NCOR1: variants seen among roughly 807,000 people sequenced by gnomAD.
NCOR1 encodes the protein protein phosphatase 1, regulatory subunit 109.
NCOR1 carries 63 observed loss-of-function variants against 288.1 expected under a neutral mutation model. The ratio of observed to expected loss-of-function variants is 0.22; its 90% CI spans 0.18 to 0.27. NCOR1 has a LOEUF of 0.27. Ranked by LOEUF, NCOR1 falls within the 10% of genes least tolerant of loss-of-function variation. The probability of loss-of-function intolerance (pLI) is 1.00; values close to 1 mark genes in which losing one functional copy is unlikely to be tolerated. For missense variants in NCOR1, 2,397 were observed against 3,019.2 expected, an observed-to-expected ratio of 0.79 and a Z score of 4.83; for synonymous variants, 1,007 against 1,065.9, an observed-to-expected ratio of 0.94 and a Z score of 1.08.
intron 1 of NCOR1, among the ~76,000 whole-genome samples, chr17:16,201,244 T>C (rs1007863267): frequency 1.8e-4 from 28 of 152,174 alleles, no homozygotes; most frequent in Non-Finnish European, 1.3e-4. Context: ...AAGTATGATA[T>C]TGAAAGAAAA....
In NCOR1 at chr17:16,127,259, G is replaced by A. The variant is rs55802498; in HGVS notation, c.1510-1053C>T. 1.9e-3 allele frequency among the ~76,000 whole-genome samples: 188 copies of A among 99,662 alleles called. 40 individuals are homozygous for A. Among genetic ancestry groups the A allele is most frequent in the Middle Eastern group, 6.7e-3 (1 of 150 alleles). 65.4% of individuals were successfully genotyped at this position (99,662 alleles called of 152,430 possible). A position where few individuals can be genotyped will look rare whatever the true frequency, so the allele number is the denominator to read the frequency against. On this transcript the variant is annotated intron_variant, in intron 14 of 45. Coordinates refer to ENST00000268712, the MANE Select transcript of NCOR1 (RefSeq NM_006311.4). ...TGCATATATGTATGTATATATGTGT[G>A]TGTATATATGTATGTATATATACGT...
At chr17:16,142,401 A>AT (rs1479444077) in intron 11 of NCOR1, among the ~76,000 whole-genome samples, 4 of 152,178 alleles carry the variant, frequency 2.6e-5, no homozygotes, top group African/African-American at 9.6e-5. Context: ...ACTATTTCAA[A>AT]TAAACAAGAC....
At chr17:16,096,314 A>T (rs2066609641) in intron 21 of NCOR1, among the ~76,000 whole-genome samples, 1 of 152,210 alleles carries the variant, frequency 6.6e-6, no homozygotes, top group Admixed American at 6.5e-5. Context: ...AAAAAAAAAT[A>T]AAATAAAGAA....
chr17:16,093,873 G>A (rs1039688695), intron 21 of NCOR1, among the ~76,000 whole-genome samples: 2 of 151,882 alleles, frequency 1.3e-5, no homozygotes, highest in Admixed American at 1.3e-4. Context: ...ATAGAGCATC[G>A]CATTTTAATT....
intron 45 of NCOR1, among the ~76,000 whole-genome samples, chr17:16,034,541 G>A (rs1052904380): frequency 2.0e-5 from 3 of 152,110 alleles, no homozygotes; most frequent in South Asian, 2.1e-4. Context: ...CTCAGAGGTC[G>A]AGGCTGCAGT....
At chr17:16,095,437 A>G (rs1598518373) in intron 21 of NCOR1, among the ~76,000 whole-genome samples, 1 of 130,014 alleles carries the variant, frequency 7.7e-6, no homozygotes, top group African/African-American at 3.0e-5. Context: ...TCCGGGAGGG[A>G]GGTGGGGGGT....
chr17:16,094,500 G>A (rs1208302397), intron 21 of NCOR1, among the ~76,000 whole-genome samples: 1 of 152,182 alleles, frequency 6.6e-6, no homozygotes, highest in Non-Finnish European at 1.5e-5. Flanking sequence ...ATTTTCTGGT[G>A]CCTAAAGAAA....
Position 16,102,159 on chromosome 17 carries a change from C to A in NCOR1, c.2183-402G>T, listed in dbSNP as rs147928817. Among the ~76,000 whole-genome samples, 11 of 152,298 alleles carry A rather than the reference C, an allele frequency of 7.2e-5. 1 individual carries two copies. In the East Asian group the frequency reaches 2.1e-3, roughly 29 times the overall value. ...GTGAATTTCCTTTTACCCAGCTGAA[C>A]TGACACTCTAGAACGGCTCCATCCA... On this transcript the variant is annotated intron_variant, in intron 19 of 45. Transcript: ENST00000268712.
At chr17:16,040,610 T>A in intron 42 of NCOR1, 116 bp from the exon 43 acceptor site, 2 of 905,890 alleles carry the variant, frequency 2.2e-6, no homozygotes, top group Non-Finnish European at 3.4e-6. Flanking sequence ...GATCTCAACC[T>A]TTATTTCTCA....
intron 3 of NCOR1, among the ~76,000 whole-genome samples, chr17:16,175,810 G>A (rs2153479200): frequency 6.7e-6 from 1 of 149,268 alleles, no homozygotes; most frequent in African/African-American, 2.5e-5. Context: ...CTTGAACCCA[G>A]GAGTTTAGAG....
chr17:16,187,876 G>A lies in NCOR1; in HGVS notation c.109-1189C>T, dbSNP rs187098899. On this transcript the variant is annotated intron_variant, in intron 2 of 45. Transcript: ENST00000268712. The stretch of plus-strand genomic sequence containing the variant: ...GATTGTGCCACTGCACTCCAGCCTG[G>A]GTGACAGAGCAAGACACCATCTTTA... Among the ~76,000 whole-genome samples, 42 of 151,060 alleles carry A rather than the reference G, an allele frequency of 2.8e-4. No homozygotes were observed. The East Asian group carries it at 7.6e-3, about 27-fold the overall frequency.
intron 27 of NCOR1, among the ~76,000 whole-genome samples, chr17:16,075,239 A>G (rs992727060): frequency 6.6e-6 from 1 of 152,244 alleles, no homozygotes; most frequent in Non-Finnish European, 1.5e-5. Flanking sequence ...GTATTCCATT[A>G]AAGTTCAACA....
chr17:16,168,005 A>C (rs2082355809), intron 4 of NCOR1, among the ~76,000 whole-genome samples: 1 of 152,148 alleles, frequency 6.6e-6, no homozygotes. Context: ...AAATAAACCA[A>C]CAGAAAAATG....
intron 7 of NCOR1, 54 bp downstream of exon 7, chr17:16,153,285 A>G (rs1334293845): frequency 1.5e-6 from 2 of 1,298,142 alleles, no homozygotes; most frequent in Non-Finnish European, 2.2e-6. Flanking sequence ...CCCAAGAAAA[A>G]CTACCACCAA....
chr17:16,039,027 C>T (rs373688637), intron 44 of NCOR1, among the ~76,000 whole-genome samples: 1 of 152,220 alleles, frequency 6.6e-6, no homozygotes, highest in Admixed American at 6.5e-5. Flanking sequence ...CCTCCGCCCC[C>T]CAAAGTGCTG....
intron 44 of NCOR1, among the ~76,000 whole-genome samples, chr17:16,035,295 A>C (rs933246458): frequency 4.6e-5 from 7 of 152,310 alleles, no homozygotes; most frequent in Admixed American, 2.6e-4. Context: ...GAACTTTCAA[A>C]ATTGGAGTTG....
chr17:16,196,301 A>C (rs1600380378), intron 1 of NCOR1, among the ~76,000 whole-genome samples: 1 of 151,456 alleles, frequency 6.6e-6, no homozygotes, highest in East Asian at 1.9e-4. Flanking sequence ...CCCAGTTTTT[A>C]TCAATATATT....
chr17:16,133,223 A>G (rs1340838792), intron 14 of NCOR1, among the ~76,000 whole-genome samples: 1 of 151,886 alleles, frequency 6.6e-6, no homozygotes, highest in Non-Finnish European at 1.5e-5. Context: ...CCCGCCCTGG[A>G]CTCCCAAAGT....
intron 18 of NCOR1, among the ~76,000 whole-genome samples, chr17:16,117,024 T>C (rs2071759496): frequency 6.6e-6 from 1 of 152,224 alleles, no homozygotes; most frequent in African/African-American, 2.4e-5. Context: ...AAAACAGTCT[T>C]GACCTCATGG....
Sources: gnomAD v4.1 joint callset for allele counts (sites outside exome capture counted in the v4.1 genomes callset) on GRCh38, gnomAD v4.1.1 for gene constraint, MANE v1.5 for transcripts, NCBI Gene and HGNC (gene_info 2026-07-23, HGNC 2026-07-21) for gene names.